Variants in ATXN7L1 observed in about 807,000 individuals in gnomAD.
The protein encoded by ATXN7L1 is ataxin-7-like protein 1.
ATXN7L1 carries 15 observed loss-of-function variants against 70.8 expected under a neutral mutation model. The ratio of observed to expected loss-of-function variants is 0.21; its 90% CI spans 0.14 to 0.33. The LOEUF (loss-of-function observed/expected upper bound fraction) is 0.33, where lower values mean the gene tolerates loss of function less well. Ranked by LOEUF, ATXN7L1 falls within the 10% of genes least tolerant of loss-of-function variation. The pLI, the probability that ATXN7L1 is intolerant of heterozygous loss-of-function variation, is 1.00. For missense variants in ATXN7L1, 975 were observed against 1,097.1 expected, an observed-to-expected ratio of 0.89 and a Z score of 1.57; for synonymous variants, 440 against 445.1, an observed-to-expected ratio of 0.99 and a Z score of 0.14.
At chr7:105,705,325 C>T (rs976751986) in intron 3 of ATXN7L1, among the ~76,000 whole-genome samples, 8 of 145,484 alleles carry the variant, frequency 5.5e-5, no homozygotes, top group South Asian at 4.5e-4. Flanking sequence ...CATGCCCGGC[C>T]GAGTATTTTT....
intron 2 of ATXN7L1, among the ~76,000 whole-genome samples, 185 bp downstream of exon 2, chr7:105,875,627 A>ACCCCCCCCCCCCCCTTTCCC (rs3835024): frequency 1.1e-5 from 1 of 94,774 alleles, no homozygotes; most frequent in Admixed American, 1.3e-4. Context: ...ACCCCCCTTT[A>ACCCCCCCCCCCCCCTTTCCC]CCCCCCCCCC....
At chr7:105,619,522 ATATATATATTTTTTTTTTTTTTTTTT>A (rs1794567410) in intron 9 of ATXN7L1, among the ~76,000 whole-genome samples, 1 of 20,142 alleles carries the variant, frequency 5.0e-5, no homozygotes, top group African/African-American at 2.4e-4. Flanking sequence ...ATATATATAT[ATATATATATTTTTTTTTTTTTTTTTT>A]TTTTTTTTTT....
Position 105,722,560 on chromosome 7 carries a change from T to TAAAAAAAAAAA in ATXN7L1, c.356-57283_356-57273dup, listed in dbSNP as rs56228890. 1.9e-4 allele frequency among the ~76,000 whole-genome samples: 4 copies of TAAAAAAAAAAA among 20,844 alleles called. 1 individual carries two copies. Among genetic ancestry groups the TAAAAAAAAAAA allele is most frequent in the African/African-American group, 2.8e-4 (2 of 7,180 alleles). 13.7% of individuals were successfully genotyped at this position (20,844 alleles called of 152,430 possible). On this transcript the variant is annotated intron_variant, in intron 3 of 11. Transcript: ENST00000419735. ...TGGGCAACAGAGTGAGACTCTGCCTTAAAAAAAAAAAAAAAAAAAAAAAAA... is the reference window on the plus strand; with the variant it reads ...TGGGCAACAGAGTGAGACTCTGCCTTAAAAAAAAAAAAAAAAAAAAAAAAAAAAAAAAAAAA...
At chr7:105,719,263 C>T (rs1482324046) in intron 3 of ATXN7L1, among the ~76,000 whole-genome samples, 1 of 152,140 alleles carries the variant, frequency 6.6e-6, no homozygotes, top group African/African-American at 2.4e-5. Flanking sequence ...GATTTTCCTC[C>T]TGGGAGCACC....
At chr7:105,608,321 G>A (rs1792865113) in intron 11 of ATXN7L1, among the ~76,000 whole-genome samples, 1 of 152,188 alleles carries the variant, frequency 6.6e-6, no homozygotes. Flanking sequence ...GAGATTTTGG[G>A]TTCAAGTTAC....
At chr7:105,645,233 C>T (rs758707822) in intron 4 of ATXN7L1, among the ~76,000 whole-genome samples, 9 of 151,936 alleles carry the variant, frequency 5.9e-5, no homozygotes, top group Non-Finnish European at 1.2e-4. Context: ...ACATTAAAAA[C>T]GGTTAATATG....
At position 105,670,819 on chromosome 7, in the gene ATXN7L1, G is replaced by A. The variant is rs559884837; in HGVS notation, c.356-5531C>T. 3.0e-4 allele frequency among the ~76,000 whole-genome samples: 45 copies of A among 150,972 alleles called. 1 individual carries two copies. Among genetic ancestry groups the A allele is most frequent in the Admixed American group, 1.1e-3 (16 of 15,152 alleles). Reference sequence around the variant, plus strand: ...TCTACTAAAAATACAAAAATTAGCCGGGTGTAGCCGGGCGCGGTGGCTCAC... The same window carrying A: ...TCTACTAAAAATACAAAAATTAGCCAGGTGTAGCCGGGCGCGGTGGCTCAC... On this transcript the variant is annotated intron_variant, in intron 3 of 11. Coordinates refer to ENST00000419735, the MANE Select transcript of ATXN7L1 (RefSeq NM_020725.2).
At chr7:105,840,155 T>C (rs1812994615) in intron 2 of ATXN7L1, among the ~76,000 whole-genome samples, 2 of 152,180 alleles carry the variant, frequency 1.3e-5, no homozygotes, top group Admixed American at 1.3e-4. Context: ...AGGGGCTGTA[T>C]GCCAACTTCA....
intron 3 of ATXN7L1, among the ~76,000 whole-genome samples, chr7:105,773,767 C>T (rs1802342283): frequency 6.6e-6 from 1 of 152,196 alleles, no homozygotes; most frequent in Non-Finnish European, 1.5e-5. Context: ...AAAAAAGAAA[C>T]CCCCTAACAA....
At chr7:105,798,873 T>C (rs1806386054) in intron 2 of ATXN7L1, among the ~76,000 whole-genome samples, 1 of 152,044 alleles carries the variant, frequency 6.6e-6, no homozygotes, top group African/African-American at 2.4e-5. Context: ...AGAAATGGGG[T>C]GGATGATCAG....
chr7:105,760,001 T>C (rs1387779795), intron 3 of ATXN7L1, among the ~76,000 whole-genome samples: 1 of 152,142 alleles, frequency 6.6e-6, no homozygotes, highest in African/African-American at 2.4e-5. Context: ...GTTAAATGAT[T>C]TTCCCCCCTC....
intron 3 of ATXN7L1, among the ~76,000 whole-genome samples, chr7:105,744,397 T>G (rs1438768292): frequency 6.7e-6 from 1 of 149,260 alleles, no homozygotes; most frequent in African/African-American, 2.5e-5. Flanking sequence ...ATATTTAACA[T>G]GCTCTGTGCC....
intron 3 of ATXN7L1, among the ~76,000 whole-genome samples, chr7:105,702,753 G>T (rs1037642526): frequency 6.6e-6 from 1 of 152,196 alleles, no homozygotes; most frequent in East Asian, 1.9e-4. Context: ...ACCAAGGCAG[G>T]CGGATCACCC....
At chr7:105,746,702 T>G (rs1219143488) in intron 3 of ATXN7L1, among the ~76,000 whole-genome samples, 1 of 152,224 alleles carries the variant, frequency 6.6e-6, no homozygotes, top group Non-Finnish European at 1.5e-5. Flanking sequence ...TCCCAGCCAC[T>G]GCTTGGCACA....
intron 2 of ATXN7L1, among the ~76,000 whole-genome samples, chr7:105,841,898 T>C (rs920419917): frequency 2.6e-5 from 4 of 152,326 alleles, no homozygotes; most frequent in South Asian, 2.1e-4. Context: ...GGGGGACTAC[T>C]GGACTAATGC....
chr7:105,835,709 T>TC (rs1437291523), intron 2 of ATXN7L1, among the ~76,000 whole-genome samples: 11 of 152,314 alleles, frequency 7.2e-5, no homozygotes, highest in African/African-American at 2.4e-4. Context: ...ACAGTTTCTC[T>TC]TCTGGCCAAC....
chr7:105,739,619 T>C (rs2116355724), intron 3 of ATXN7L1, among the ~76,000 whole-genome samples: 1 of 152,364 alleles, frequency 6.6e-6, no homozygotes, highest in East Asian at 1.9e-4. Flanking sequence ...ATGAGCTATG[T>C]GACCTTGGGC....
At chr7:105,713,083 C>T (rs963126490) in intron 3 of ATXN7L1, among the ~76,000 whole-genome samples, 9 of 152,120 alleles carry the variant, frequency 5.9e-5, no homozygotes, top group African/African-American at 1.7e-4. Context: ...CACATCTTAC[C>T]GTGGCAGAGC....
At chr7:105,859,184 A>C (rs1585170708) in intron 2 of ATXN7L1, among the ~76,000 whole-genome samples, 1 of 152,168 alleles carries the variant, frequency 6.6e-6, no homozygotes, top group South Asian at 2.1e-4. Flanking sequence ...TAGGAGATGC[A>C]TGCTGAAGTA....
Sources: gnomAD v4.1 joint callset for allele counts (sites outside exome capture counted in the v4.1 genomes callset) on GRCh38, gnomAD v4.1.1 for gene constraint, MANE v1.5 for transcripts, NCBI Gene and HGNC (gene_info 2026-07-23, HGNC 2026-07-21) for gene names.